OXCT1: variants seen among roughly 807,000 people sequenced by gnomAD.
OXCT1 encodes 3-oxoacid CoA-transferase 1.
In OXCT1, 27 loss-of-function variants were observed where a neutral mutation model predicts 69.6. That is an observed-to-expected ratio of 0.39 (90% CI 0.29 to 0.54). OXCT1 has a LOEUF of 0.54. OXCT1 is among the 20% of genes least tolerant of loss of function. The probability of loss-of-function intolerance (pLI) is 0.72; values close to 1 mark genes in which losing one functional copy is unlikely to be tolerated. For missense variants in OXCT1, 437 were observed against 650.2 expected (o/e 0.67, Z 3.57); for synonymous variants, 202 against 217.8 (o/e 0.93, Z 0.64).
intron 7 of OXCT1, among the ~76,000 whole-genome samples, chr5:41,816,688 G>A (rs1747262698): frequency 6.6e-6 from 1 of 152,056 alleles, no homozygotes; most frequent in Non-Finnish European, 1.5e-5. Context: ...TAAATAATTA[G>A]AAAGACCAAA....
intron 11 of OXCT1, among the ~76,000 whole-genome samples, chr5:41,796,707 T>C (rs898399755): frequency 7.2e-5 from 11 of 152,246 alleles, no homozygotes; most frequent in South Asian, 2.1e-4. Context: ...AATTGAAAAG[T>C]TTTGAAAATA....
chr5:41,811,468 C>T (rs1296401706), intron 7 of OXCT1, among the ~76,000 whole-genome samples: 2 of 151,818 alleles, frequency 1.3e-5, no homozygotes, highest in East Asian at 3.9e-4. Context: ...AAACAAGAGG[C>T]AATGTAGAGA....
intron 7 of OXCT1, among the ~76,000 whole-genome samples, chr5:41,833,641 G>A (rs575695199): frequency 1.3e-5 from 2 of 152,224 alleles, no homozygotes; most frequent in South Asian, 2.1e-4. Context: ...TGCAACTGTG[G>A]TGTGTAAACA....
intron 3 of OXCT1, among the ~76,000 whole-genome samples, chr5:41,859,891 T>TATATATATATGTA (rs1749653156): frequency 2.6e-5 from 3 of 114,214 alleles, no homozygotes; most frequent in African/African-American, 9.0e-5. Flanking sequence ...ATATATGTAA[T>TATATATATATGTA]ATATATATAT....
At chr5:41,792,063 A>AAAGTGC (rs1436769567) in intron 13 of OXCT1, among the ~76,000 whole-genome samples, 9 of 152,290 alleles carry the variant, frequency 5.9e-5, no homozygotes, top group Admixed American at 3.9e-4. Context: ...TCGGCCTCCC[A>AAAGTGC]AAGTGCTGGG....
At chr5:41,767,722 GTA>G (rs367584226) in intron 13 of OXCT1, among the ~76,000 whole-genome samples, 1,165 of 89,912 alleles carry the variant, frequency 0.013, 17 homozygotes, top group Middle Eastern at 0.023. Context: ...ATATGTGTGT[GTA>G]TATATATATA....
In OXCT1 at chr5:41,831,276, G is replaced by A. The variant is rs904454027; in HGVS notation, c.732+9175C>T. 8.5e-5 allele frequency among the ~76,000 whole-genome samples: 13 copies of A among 152,092 alleles called. 1 individual carries two copies. Among genetic ancestry groups the A allele is most frequent in the Admixed American group, 6.6e-4 (10 of 15,256 alleles). ...AAGCTCTTGCCTCAGGCCTCTGCAC[G>A]CACTACTCATTTGGCCCTAAAAGGC... On this transcript the variant is annotated intron_variant, in intron 7 of 16. Transcript: ENST00000196371.
chr5:41,863,489 C>T (rs916503264), intron 1 of OXCT1, among the ~76,000 whole-genome samples: 10 of 152,132 alleles, frequency 6.6e-5, no homozygotes, highest in Non-Finnish European at 1.5e-4. Flanking sequence ...ACCATTTCAC[C>T]TTTCTGTCTG....
intron 15 of OXCT1, 31 bp from the exon 16 acceptor site, chr5:41,739,522 C>G (rs375883294): frequency 6.3e-6 from 9 of 1,428,308 alleles, no homozygotes; most frequent in South Asian, 1.1e-5. Flanking sequence ...AGGACAATGA[C>G]AATTTCCATC....
chr5:41,774,208 G>T (rs563310247), intron 13 of OXCT1, among the ~76,000 whole-genome samples: 9 of 152,326 alleles, frequency 5.9e-5, no homozygotes, highest in African/African-American at 2.2e-4. Flanking sequence ...CCGTTATTCA[G>T]TAAGGAGTTA....
At chr5:41,754,569 A>G (rs1743968607) in intron 14 of OXCT1, among the ~76,000 whole-genome samples, 1 of 152,092 alleles carries the variant, frequency 6.6e-6, no homozygotes, top group Non-Finnish European at 1.5e-5. Flanking sequence ...AAAAAATTTA[A>G]TTTTTTTAAA....
Position 41,805,647 on chromosome 5 carries a change from G to C in OXCT1, c.875C>G (p.Ala292Gly). 6.2e-7 allele frequency: 1 copy of C among 1,612,636 alleles called. No homozygotes were observed. ...GTCATCTCCAGGTTTAGCAGATTTG[G>C]CTTCCCCATCTCCCTCTTTCCGGAT... Reference protein sequence around the residue: ...LSIRKEGDGEAKSAKPGDDVR... With the variant: ...LSIRKEGDGEGKSAKPGDDVR... The change falls in exon 9 of 17, where the codon GCC (alanine) becomes GGC (glycine). Residue 292 changes from alanine to glycine, a missense_variant. Ala to Gly is a moderately conservative substitution (Grantham distance 60). Around this residue, in one of 4 missense-constraint regions of OXCT1, gnomAD observed 252 missense variants for 397.4 expected, o/e 0.63. Coordinates refer to ENST00000196371, the MANE Select transcript of OXCT1 (RefSeq NM_000436.4).
Position 41,739,449 on chromosome 5 carries a change from C to T in OXCT1, c.1462G>A (p.Glu488Lys). ...TCCACTGTCAGGCCTTCCCAGAGCT[C>T]AATCAGAGTCAACCCTTTCTTCTTG... ...VDKKKGLTLI[E>K]LWEGLTVDDV... The change falls in exon 16 of 17, where the codon GAG becomes AAG. Residue 488 changes from glutamate (E) to lysine (K), a missense_variant. By Grantham distance (56) the Glu-to-Lys change is moderately conservative. Coordinates refer to ENST00000196371, the MANE Select transcript of OXCT1 (RefSeq NM_000436.4). 6.2e-7 allele frequency: 1 copy of T among 1,613,940 alleles called. No homozygotes were observed. The highest frequency in any genetic ancestry group is 8.5e-7 in the Non-Finnish European group (1 of 1,179,810).
At chr5:41,782,114 CTT>C (rs71608624) in intron 13 of OXCT1, among the ~76,000 whole-genome samples, 5 of 137,100 alleles carry the variant, frequency 3.6e-5, no homozygotes. Context: ...TTGCCAGCAT[CTT>C]TTTTTTTTTT....
chr5:41,859,889 AATAT>A (rs113518106), intron 3 of OXCT1, among the ~76,000 whole-genome samples: 5 of 88,648 alleles, frequency 5.6e-5, no homozygotes, highest in African/African-American at 1.7e-4. Context: ...ATATATATGT[AATAT>A]ATATATATAT....
chr5:41,752,630 G>C (rs558894352), intron 14 of OXCT1, among the ~76,000 whole-genome samples: 22 of 152,164 alleles, frequency 1.4e-4, no homozygotes, highest in African/African-American at 5.3e-4. Context: ...GTGCGTGCCT[G>C]TAGTTCCAGC....
intron 3 of OXCT1, among the ~76,000 whole-genome samples, chr5:41,856,162 G>A (rs1749418666): frequency 6.6e-6 from 1 of 152,192 alleles, no homozygotes; most frequent in Admixed American, 6.5e-5. Flanking sequence ...TGAAAGGCCG[G>A]GATATCAATG....
intron 7 of OXCT1, among the ~76,000 whole-genome samples, chr5:41,810,175 T>C (rs1427934678): frequency 1.3e-5 from 2 of 151,744 alleles, no homozygotes; most frequent in African/African-American, 2.4e-5. Flanking sequence ...TTGAGAACAA[T>C]AAGGAAGGAG....
At chr5:41,869,196 G>A (rs1484479917) in intron 1 of OXCT1, among the ~76,000 whole-genome samples, 2 of 152,192 alleles carry the variant, frequency 1.3e-5, no homozygotes, top group African/African-American at 4.8e-5. Flanking sequence ...ACCTACCGAA[G>A]GAGCTCAGTG....
Sources: gnomAD v4.1 joint callset for allele counts (sites outside exome capture counted in the v4.1 genomes callset) on GRCh38, gnomAD v4.1.1 for gene constraint, gnomAD v4.1.1 regional missense constraint, MANE v1.5 for transcripts, NCBI Gene and HGNC (gene_info 2026-07-23, HGNC 2026-07-21) for gene names.